PIBF1: variants seen among roughly 807,000 people sequenced by gnomAD.
PIBF1 encodes the protein progesterone-induced-blocking factor 1.
A neutral mutation model predicts 112.5 loss-of-function variants in PIBF1; 90 were observed. The observed-to-expected ratio is 0.80, with a 90% CI of 0.67 to 0.95. PIBF1 has a LOEUF of 0.95. Among genes scored for constraint, PIBF1 ranks in the 40% least tolerant of loss-of-function variants. PIBF1 has a pLI of 0.00. For synonymous variants in PIBF1, 301 were observed against 288.6 expected, an observed-to-expected ratio of 1.04 and a Z score of -0.44; for missense variants, 915 against 852.3, an observed-to-expected ratio of 1.07 and a Z score of -0.92.
chr13:72,895,751 A>AGATT (rs1163276869), intron 11 of PIBF1, among the ~76,000 whole-genome samples: 4 of 152,176 alleles, frequency 2.6e-5, no homozygotes, highest in African/African-American at 7.2e-5. Context: ...TTTTAGCTCC[A>AGATT]GATCGACTGC....
At chr13:72,871,333 T>C (rs1835620153) in intron 10 of PIBF1, among the ~76,000 whole-genome samples, 1 of 152,044 alleles carries the variant, frequency 6.6e-6, no homozygotes, top group Admixed American at 6.6e-5. Context: ...TGAGATGGAG[T>C]CTTGCTCTGT....
At chr13:72,922,600 C>T (rs1004115056) in intron 13 of PIBF1, among the ~76,000 whole-genome samples, 7 of 152,006 alleles carry the variant, frequency 4.6e-5, no homozygotes, top group South Asian at 2.1e-4. Context: ...GAGATTACTG[C>T]GTACTATAGT....
At chr13:72,830,481 A>T (rs954616927) in intron 8 of PIBF1, among the ~76,000 whole-genome samples, 1 of 152,152 alleles carries the variant, frequency 6.6e-6, no homozygotes, top group African/African-American at 2.4e-5. Context: ...AGTTTTTAGC[A>T]TGAAGGGGTG....
chr13:72,908,810 C>T (rs1447659622), intron 12 of PIBF1, 129 bp downstream of exon 12: 14 of 719,172 alleles, frequency 1.9e-5, no homozygotes, highest in South Asian at 1.4e-4. Flanking sequence ...GCACTTTGGG[C>T]GGCCAAGGTG....
intron 5 of PIBF1, among the ~76,000 whole-genome samples, chr13:72,814,584 T>C (rs570582312): frequency 6.6e-6 from 1 of 151,808 alleles, no homozygotes; most frequent in Non-Finnish European, 1.5e-5. Flanking sequence ...AGGAATAAAC[T>C]TACTTGGCAA....
chr13:72,956,940 G>C (rs1375705149), intron 14 of PIBF1, among the ~76,000 whole-genome samples: 1 of 152,142 alleles, frequency 6.6e-6, no homozygotes, highest in Non-Finnish European at 1.5e-5. Context: ...TTATCAGGGA[G>C]ATGCAAATCA....
chr13:73,013,300 C>CAAAAAAAA (rs869055620), intron 17 of PIBF1, among the ~76,000 whole-genome samples: 1 of 14,656 alleles, frequency 6.8e-5, no homozygotes, highest in African/African-American at 2.0e-4. Flanking sequence ...GACTCTGTCT[C>CAAAAAAAA]AAAAAAAAAA....
At chr13:72,842,851 T>G (rs1399161505) in intron 9 of PIBF1, among the ~76,000 whole-genome samples, 1 of 152,226 alleles carries the variant, frequency 6.6e-6, no homozygotes. Flanking sequence ...TTCTCAAATA[T>G]TTTAAATTAA....
rs56290400 is a variant in PIBF1 at position 72,868,828 on chromosome 13, TAAAAAAAAAAAA to T, written c.1322+14685_1322+14696del. Among the ~76,000 whole-genome samples the T allele has an allele frequency of 1.1e-4, 13 of 114,270 alleles. No individual in the cohort carries two copies. In the East Asian group the frequency reaches 2.7e-3, roughly 24 times the overall value. 75.0% of individuals were successfully genotyped at this position (114,270 alleles called of 152,430 possible). On this transcript the variant is annotated intron_variant, in intron 10 of 17. Coordinates refer to ENST00000326291, the MANE Select transcript of PIBF1 (RefSeq NM_006346.4). Reference sequence around the variant, plus strand: ...GTGAGACCCCAGCTCTCCCAAAAAGTAAAAAAAAAAAAAAAAAAAAAAAGATGAAACTACTTC... The same window carrying T: ...GTGAGACCCCAGCTCTCCCAAAAAGTAAAAAAAAAAAGATGAAACTACTTC...
At chr13:72,832,787 C>T (rs2037184076) in intron 8 of PIBF1, among the ~76,000 whole-genome samples, 1 of 152,128 alleles carries the variant, frequency 6.6e-6, no homozygotes, top group Admixed American at 6.5e-5. Flanking sequence ...GTCGTGTTCT[C>T]TGTATTTCCT....
At chr13:72,986,715 G>A (rs990434891) in intron 16 of PIBF1, among the ~76,000 whole-genome samples, 1 of 122,024 alleles carries the variant, frequency 8.2e-6, no homozygotes, top group East Asian at 2.3e-4. Context: ...ACAGAGTCTC[G>A]CTCTGTCGCC....
chr13:72,941,095 T>C (rs9600049), intron 14 of PIBF1, among the ~76,000 whole-genome samples: 4,081 of 152,306 alleles, frequency 0.027, 75 homozygotes, highest in Non-Finnish European at 0.041. Flanking sequence ...CACCACAGCT[T>C]GAAAGCTGTC....
Position 72,917,105 on chromosome 13 carries a change from C to A in PIBF1, c.1669C>A (p.Leu557Ile), listed in dbSNP as rs922932405. ...AAATGAAGATGAGGCTGAAAGGGTT[C>A]TTTTTTCCTACGGCTATGGTGCTAA... ...IENEDEAERV[L>I]FSYGYGANVP... The change falls in exon 13 of 18, where the codon CTT (leucine) becomes ATT (isoleucine). Residue 557 changes from leucine to isoleucine, a missense_variant. By Grantham distance (5) the Leu-to-Ile change is conservative. Transcript: ENST00000326291. The A allele has an allele frequency of 2.5e-6, 4 of 1,596,886 alleles. No homozygotes were observed. The African/African-American group carries it at 5.4e-5, about 22-fold the overall frequency.
chr13:72,947,448 G>A (rs2042179135), intron 14 of PIBF1, among the ~76,000 whole-genome samples: 1 of 152,150 alleles, frequency 6.6e-6, no homozygotes, highest in Non-Finnish European at 1.5e-5. Flanking sequence ...ACATACCCTG[G>A]AGACATTTTC....
At chr13:72,863,780 A>G (rs1243875627) in intron 10 of PIBF1, among the ~76,000 whole-genome samples, 1 of 152,244 alleles carries the variant, frequency 6.6e-6, no homozygotes, top group Non-Finnish European at 1.5e-5. Flanking sequence ...CAGAACCTTG[A>G]GAATCCCTCT....
chr13:72,817,691 G>T (rs571299743), intron 5 of PIBF1, among the ~76,000 whole-genome samples: 218 of 152,264 alleles, frequency 1.4e-3, no homozygotes, highest in African/African-American at 4.7e-3. Flanking sequence ...GGTTATTGCT[G>T]GAGCTTAGTC....
intron 5 of PIBF1, among the ~76,000 whole-genome samples, chr13:72,815,009 A>G (rs1048907924): frequency 2.0e-5 from 3 of 152,246 alleles, no homozygotes; most frequent in African/African-American, 7.2e-5. Flanking sequence ...AAAATTACCA[A>G]CAGGTTCACA....
At chr13:72,786,606 A>G (rs61966331) in intron 2 of PIBF1, among the ~76,000 whole-genome samples, 8,378 of 152,196 alleles carry the variant, frequency 0.055, 332 homozygotes, top group Non-Finnish European at 0.085. Context: ...CTACATTGCT[A>G]GGCATCCAGA....
chr13:72,791,179 C>G (rs918245423), intron 2 of PIBF1, among the ~76,000 whole-genome samples: 1 of 151,748 alleles, frequency 6.6e-6, no homozygotes, highest in African/African-American at 2.4e-5. Flanking sequence ...CTCAGCCTCC[C>G]GAGTAGCTGG....
Sources: gnomAD v4.1 joint callset for allele counts (sites outside exome capture counted in the v4.1 genomes callset) on GRCh38, gnomAD v4.1.1 for gene constraint, MANE v1.5 for transcripts, NCBI Gene and HGNC (gene_info 2026-07-23, HGNC 2026-07-21) for gene names.